RIMS2: variants seen among roughly 807,000 people sequenced by gnomAD.
RIMS2 encodes regulating synaptic membrane exocytosis 2, also known as regulating synaptic membrane exocytosis protein 2.
RIMS2 carries 59 observed loss-of-function variants against 174.4 expected under a neutral mutation model. That is an observed-to-expected ratio of 0.34 (90% CI 0.27 to 0.42). The LOEUF is 0.42. Ranked by LOEUF, RIMS2 falls within the 10% of genes least tolerant of loss-of-function variation. RIMS2 has a pLI of 1.00. For missense variants in RIMS2, 1,620 were observed against 1,666.3 expected, an observed-to-expected ratio of 0.97 and a Z score of 0.48; for synonymous variants, 606 against 572.5, an observed-to-expected ratio of 1.06 and a Z score of -0.84.
chr8:103,812,039 A>C (rs894000278), intron 3 of RIMS2, among the ~76,000 whole-genome samples: 1 of 152,208 alleles, frequency 6.6e-6, no homozygotes, highest in African/African-American at 2.4e-5. Context: ...GGATAGATAC[A>C]GGGTTTCAGT....
chr8:103,792,782 C>A (rs2098512514), intron 3 of RIMS2, among the ~76,000 whole-genome samples: 1 of 151,920 alleles, frequency 6.6e-6, no homozygotes, highest in South Asian at 2.1e-4. Flanking sequence ...TACAAACTAC[C>A]ATCAGAGAAT....
intron 19 of RIMS2, among the ~76,000 whole-genome samples, chr8:104,071,648 G>T (rs146481403): frequency 2.6e-5 from 4 of 152,100 alleles, no homozygotes; most frequent in Non-Finnish European, 4.4e-5. Context: ...GTGTTAGCCA[G>T]GATGGTCTCA....
intron 19 of RIMS2, among the ~76,000 whole-genome samples, chr8:104,037,571 A>G (rs1039667818): frequency 6.6e-6 from 1 of 152,204 alleles, no homozygotes; most frequent in Non-Finnish European, 1.5e-5. Flanking sequence ...TTGTGGATAA[A>G]GAGGCCCCAA....
chr8:104,097,901 A>G (rs987981959), intron 19 of RIMS2, among the ~76,000 whole-genome samples: 3 of 152,186 alleles, frequency 2.0e-5, no homozygotes, highest in African/African-American at 7.2e-5. Context: ...AGCCACAACT[A>G]CTTTTACACC....
Position 103,534,277 on chromosome 8 carries a change from G to A in RIMS2, c.176+33215G>A, listed in dbSNP as rs527844039. On this transcript the variant is annotated intron_variant, in intron 1 of 23. Coordinates refer to ENST00000504942, the Ensembl canonical transcript of RIMS2. ...TATGCTGTCAATAGTTAAGTAGTGA[G>A]CTCCTCATTCCCACACAGATTTTCA... 2.0e-5 allele frequency among the ~76,000 whole-genome samples: 3 copies of A among 152,294 alleles called. No individual in the cohort carries two copies. In the South Asian group the frequency reaches 6.2e-4, roughly 32 times the overall value.
At chr8:104,237,789 A>G (rs2099266474) in intron 19 of RIMS2, among the ~76,000 whole-genome samples, 1 of 152,150 alleles carries the variant, frequency 6.6e-6, no homozygotes, top group Non-Finnish European at 1.5e-5. Context: ...ATTGTTGGCT[A>G]TTTGTCTTTA....
intron 2 of RIMS2, among the ~76,000 whole-genome samples, chr8:103,754,185 T>C (rs1044416447): frequency 1.3e-5 from 2 of 152,198 alleles, no homozygotes; most frequent in African/African-American, 4.8e-5. Context: ...TTTCGTTATG[T>C]ACCCAGTAGT....
At chr8:104,187,162 G>T (rs1248036630) in intron 19 of RIMS2, among the ~76,000 whole-genome samples, 1 of 151,752 alleles carries the variant, frequency 6.6e-6, no homozygotes. Flanking sequence ...AAAAGTCATT[G>T]TATGGTTCTT....
chr8:103,909,263 A>C (rs2075158347), intron 4 of RIMS2, among the ~76,000 whole-genome samples: 1 of 152,050 alleles, frequency 6.6e-6, no homozygotes, highest in Non-Finnish European at 1.5e-5. Flanking sequence ...ATAAAATTAT[A>C]AATAGAATTT....
intron 4 of RIMS2, among the ~76,000 whole-genome samples, chr8:103,908,934 C>A (rs2154526677): frequency 6.6e-6 from 1 of 152,214 alleles, no homozygotes; most frequent in East Asian, 1.9e-4. Context: ...TCTGTGCTGC[C>A]TTACCAGTTT....
intron 14 of RIMS2, among the ~76,000 whole-genome samples, chr8:103,950,496 G>A (rs1158286501): frequency 2.0e-5 from 3 of 151,962 alleles, no homozygotes; most frequent in Admixed American, 6.6e-5. Context: ...AAAACAGAAT[G>A]TGACTCACCA....
chr8:103,837,253 T>C (rs975582344), intron 3 of RIMS2, among the ~76,000 whole-genome samples: 1 of 152,212 alleles, frequency 6.6e-6, no homozygotes, highest in African/African-American at 2.4e-5. Context: ...CTGAAAGCTC[T>C]TGGGAAGAAC....
chr8:104,255,097 T>A (rs1243422389), downstream of RIMS2: 1 of 152,194 alleles, frequency 6.6e-6, no homozygotes, highest in Non-Finnish European at 1.5e-5. Flanking sequence ...CGAACTGAAA[T>A]CTAAGTCTAG....
chr8:103,771,224 T>C (rs975206319), intron 3 of RIMS2, among the ~76,000 whole-genome samples: 2 of 152,204 alleles, frequency 1.3e-5, no homozygotes, highest in Admixed American at 6.5e-5. Context: ...TCAACTTAGA[T>C]GCAAAATACT....
intron 1 of RIMS2, among the ~76,000 whole-genome samples, chr8:103,638,876 A>G (rs2096156108): frequency 6.6e-6 from 1 of 152,124 alleles, no homozygotes; most frequent in South Asian, 2.1e-4. Flanking sequence ...AGACACACAT[A>G]TCTATATTTA....
At chr8:104,069,459 T>A (rs991561295) in intron 19 of RIMS2, among the ~76,000 whole-genome samples, 1 of 147,740 alleles carries the variant, frequency 6.8e-6, no homozygotes, top group Non-Finnish European at 1.5e-5. Context: ...ATTAATTAAT[T>A]GTTCTTTTTT....
exon 12 of RIMS2, chr8:103,931,267 A>G: frequency 1.3e-6 from 2 of 1,593,208 alleles, no homozygotes; most frequent in Non-Finnish European, 1.7e-6. Flanking sequence ...TTTCAGATAA[A>G]ACTATGGTTT....
At chr8:104,145,498 T>G (rs1439013577) in intron 19 of RIMS2, among the ~76,000 whole-genome samples, 2 of 147,544 alleles carry the variant, frequency 1.4e-5, no homozygotes, top group African/African-American at 5.0e-5. Context: ...TAAACACTTT[T>G]TCAAAAATCA....
chr8:104,229,484 A>G (rs573728214), intron 19 of RIMS2, among the ~76,000 whole-genome samples: 2 of 152,196 alleles, frequency 1.3e-5, no homozygotes, highest in South Asian at 4.1e-4. Context: ...ATCATGCTTT[A>G]TGCAAAGATA....
Sources: gnomAD v4.1 joint callset for allele counts (sites outside exome capture counted in the v4.1 genomes callset) on GRCh38, gnomAD v4.1.1 for gene constraint, MANE v1.5 for transcripts, NCBI Gene and HGNC (gene_info 2026-07-23, HGNC 2026-07-21) for gene names.